The following EFCAB6 variants were observed in gnomAD, a reference collection of about 807,000 sequenced individuals.
EFCAB6 encodes the protein EF-hand calcium binding domain 6, also known as EF-hand calcium-binding domain-containing protein 6.
EFCAB6 carries 156 observed loss-of-function variants against 169.8 expected under a neutral mutation model. That is an observed-to-expected ratio of 0.92 (90% CI 0.81 to 1.05). The LOEUF (loss-of-function observed/expected upper bound fraction) is 1.05. Among genes scored for constraint, EFCAB6 ranks in the 50% least tolerant of loss-of-function variants. The pLI is 0.00. For synonymous variants in EFCAB6, 698 were observed against 676.4 expected, an observed-to-expected ratio of 1.03 and a Z score of -0.50; for missense variants, 1,800 against 1,829.1, an observed-to-expected ratio of 0.98 and a Z score of 0.29.
intron 17 of EFCAB6, among the ~76,000 whole-genome samples, chr22:43,658,821 C>T (rs1211242675): frequency 6.6e-6 from 1 of 152,162 alleles, no homozygotes; most frequent in Non-Finnish European, 1.5e-5. Flanking sequence ...AGCTGGTCAT[C>T]CCCTTAAAAT....
chr22:43,762,412 G>A (rs1302455548), intron 5 of EFCAB6, among the ~76,000 whole-genome samples: 2 of 152,164 alleles, frequency 1.3e-5, no homozygotes, highest in Non-Finnish European at 1.5e-5. Flanking sequence ...TCAGGGAGAA[G>A]CTGACTTTGT....
At position 43,589,933 on chromosome 22, in the gene EFCAB6, T is replaced by G. The variant is rs893289427; in HGVS notation, c.3032+141A>C. The G allele has an allele frequency of 3.6e-6, 4 of 1,113,860 alleles. No homozygotes were observed. The Admixed American group carries it at 1.1e-4, about 30-fold the overall frequency. The allele number at this position is 1,113,860 out of a possible 1,614,324, so 69.0% of individuals were successfully genotyped here. A position where few individuals can be genotyped will look rare whatever the true frequency, so the allele number is the denominator to read the frequency against. On this transcript the variant is annotated intron_variant, in intron 24 of 31. Transcript: ENST00000262726. ...TTGGGTAGACTCAAACCCATTCTAA[T>G]GTAACCCAGCAAACAGGAAGACATG... is the stretch of plus-strand genomic sequence containing the variant.
intron 3 of EFCAB6, among the ~76,000 whole-genome samples, chr22:43,778,854 T>C (rs2061720631): frequency 6.6e-6 from 1 of 152,180 alleles, no homozygotes; most frequent in South Asian, 2.1e-4. Flanking sequence ...TATTGACTTC[T>C]GTCTCTGCTG....
chr22:43,672,550 G>A (rs546031512), intron 13 of EFCAB6, among the ~76,000 whole-genome samples: 13 of 152,182 alleles, frequency 8.5e-5, no homozygotes, highest in Admixed American at 2.6e-4. Context: ...CATAGACGGA[G>A]CTGGAGGCCA....
chr22:43,663,896 G>C (rs1398304090), intron 17 of EFCAB6, among the ~76,000 whole-genome samples: 1 of 152,166 alleles, frequency 6.6e-6, no homozygotes, highest in Non-Finnish European at 1.5e-5. Context: ...AATTGTGAGA[G>C]AGTAATTTCC....
intron 2 of EFCAB6, among the ~76,000 whole-genome samples, chr22:43,784,692 C>T (rs1424977981): frequency 5.8e-5 from 7 of 121,286 alleles, no homozygotes; most frequent in African/African-American, 9.1e-5. Flanking sequence ...CACACACACA[C>T]ACACACACAC....
At chr22:43,530,396 T>C (rs1035121979) in intron 31 of EFCAB6, among the ~76,000 whole-genome samples, 2 of 152,194 alleles carry the variant, frequency 1.3e-5, no homozygotes, top group Non-Finnish European at 2.9e-5. Context: ...CCCCGCTGTG[T>C]ACTGCAGGGG....
intron 27 of EFCAB6, among the ~76,000 whole-genome samples, chr22:43,541,300 A>G (rs896354692): frequency 6.6e-6 from 1 of 152,220 alleles, no homozygotes; most frequent in Non-Finnish European, 1.5e-5. Context: ...CCTCAGAAGA[A>G]GCAGGGAGAG....
chr22:43,668,953 G>C lies in EFCAB6; in HGVS notation c.1733C>G (p.Ser578Cys), dbSNP rs745500639. The C allele has an allele frequency of 7.4e-6, 12 of 1,613,594 alleles. No individual in the cohort carries two copies. Among genetic ancestry groups the C allele is most frequent in the Non-Finnish European group, 1.0e-5 (12 of 1,179,774 alleles). The change falls in exon 16 of 32, where the codon TCT (serine) becomes TGT (cysteine). Residue 578 changes from serine (S) to cysteine (C), a missense_variant. Physicochemically the swap from Ser to Cys is moderately radical, Grantham distance 112. Coordinates refer to ENST00000262726, the MANE Select transcript of EFCAB6 (RefSeq NM_022785.4). ...CIGIDGPPTV[S>C]PVLVPKDQLL... is the part of the protein sequence containing the mutation. ...CTGATCCTTTGGAACAAGAACTGGA[G>C]AGACAGTGGGTGGGCCATCAATTCC...
intron 26 of EFCAB6, among the ~76,000 whole-genome samples, chr22:43,565,971 A>C (rs997094019): frequency 7.2e-5 from 11 of 151,904 alleles, no homozygotes; most frequent in Admixed American, 5.9e-4. Flanking sequence ...ACAGTGAATA[A>C]ATGAATGCTA....
chr22:43,790,808 A>G (rs915663425), intron 2 of EFCAB6, among the ~76,000 whole-genome samples: 4 of 152,246 alleles, frequency 2.6e-5, no homozygotes, highest in African/African-American at 9.6e-5. Flanking sequence ...AAGAGAAGAC[A>G]GCGGCTCAGA....
At chr22:43,639,102 T>C (rs1374228569) in intron 17 of EFCAB6, among the ~76,000 whole-genome samples, 2 of 152,222 alleles carry the variant, frequency 1.3e-5, no homozygotes, top group Non-Finnish European at 2.9e-5. Flanking sequence ...GTTTCACATC[T>C]AAATATGTTA....
chr22:43,616,182 CA>C (rs1191067081), intron 20 of EFCAB6, among the ~76,000 whole-genome samples: 3 of 152,316 alleles, frequency 2.0e-5, no homozygotes, highest in South Asian at 2.1e-4. Flanking sequence ...ACAAAACAAA[CA>C]GGGCTCATTT....
chr22:43,624,766 C>G (rs570715644), intron 20 of EFCAB6, among the ~76,000 whole-genome samples: 63 of 152,300 alleles, frequency 4.1e-4, no homozygotes, highest in Non-Finnish European at 7.1e-4. Context: ...GTTGTACCGT[C>G]TAGTCCTGGG....
rs530328281 is a variant in EFCAB6 at position 43,736,165 on chromosome 22, A to G, written c.508-172T>C. Among the ~76,000 whole-genome samples the G allele has an allele frequency of 2.0e-4, 30 of 152,312 alleles. No homozygotes were observed. In the East Asian group the frequency reaches 5.8e-3, roughly 29 times the overall value. On this transcript the variant is annotated intron_variant, in intron 6 of 31. Transcript: ENST00000262726. The stretch of plus-strand genomic sequence containing the variant: ...TGTCTACGGAAAAAGAACACTTTGC[A>G]TTTATTGAATGTTTTCAAGGCAATT...
At position 43,537,447 on chromosome 22, in the gene EFCAB6, G is replaced by A. The variant is rs2047450037; in HGVS notation, c.3978C>T (p.Arg1326=). 6.2e-7 allele frequency: 1 copy of A among 1,614,140 alleles called. No homozygotes were observed. Among genetic ancestry groups the A allele is most frequent in the Non-Finnish European group, 8.5e-7 (1 of 1,180,028 alleles). The part of the protein sequence containing the change: ...RLRKRIQGCW[R]QLLKECKEKD... ...TCTCCTTGCATTCTTTCAGGAGCTGGCGCCAGCAGCCCTGGATTCTCTTCC... is the reference window on the plus strand; with the variant it reads ...TCTCCTTGCATTCTTTCAGGAGCTGACGCCAGCAGCCCTGGATTCTCTTCC... The change falls in exon 29 of 32, where the codon CGC becomes CGT. Residue 1326 remains arginine (R), a synonymous_variant. Transcript: ENST00000262726. This position sits in a 1 kb window ranked among gnomAD's most constrained non-coding sequence, Gnocchi z 4.3.
At chr22:43,648,411 C>T (rs2056294835) in intron 17 of EFCAB6, among the ~76,000 whole-genome samples, 1 of 152,212 alleles carries the variant, frequency 6.6e-6, no homozygotes, top group Non-Finnish European at 1.5e-5. Flanking sequence ...CTTTGCACAA[C>T]ATGGATGCAG....
intron 20 of EFCAB6, among the ~76,000 whole-genome samples, chr22:43,622,074 T>C (rs2054149405): frequency 6.6e-6 from 1 of 152,220 alleles, no homozygotes; most frequent in Non-Finnish European, 1.5e-5. Context: ...CAGGACTTGA[T>C]GATTTCACTG....
At chr22:43,534,905 G>GATTC (rs141526681) in intron 29 of EFCAB6, 33 bp from the exon 30 acceptor site, 25 of 1,572,424 alleles carry the variant, frequency 1.6e-5, no homozygotes, top group Middle Eastern at 1.7e-4. Context: ...AATTGGTGGC[G>GATTC]ATTCATTCAT....
Sources: gnomAD v4.1 joint callset for allele counts (sites outside exome capture counted in the v4.1 genomes callset) on GRCh38, gnomAD v4.1.1 for gene constraint, Gnocchi (gnomAD v3.1) non-coding constraint, MANE v1.5 for transcripts, NCBI Gene and HGNC (gene_info 2026-07-23, HGNC 2026-07-21) for gene names.